The following FAM120A variants were observed in gnomAD, a reference collection of about 807,000 sequenced individuals.
FAM120A encodes family with sequence similarity 120 member A.
In FAM120A, 15 loss-of-function variants were observed where a neutral mutation model predicts 109.7. That is an observed-to-expected ratio of 0.14 (90% confidence interval 0.09 to 0.21). The LOEUF (loss-of-function observed/expected upper bound fraction) is 0.21, where lower values mean the gene tolerates loss of function less well. Ranked by LOEUF, FAM120A falls within the 10% of genes least tolerant of loss-of-function variation. The pLI, the probability that FAM120A is intolerant of heterozygous loss-of-function variation, is 1.00. For missense variants in FAM120A, 899 were observed against 1,439.3 expected, an observed-to-expected ratio of 0.62 and a Z score of 6.07; for synonymous variants, 493 against 572.8, an observed-to-expected ratio of 0.86 and a Z score of 1.99.
chr9:93,467,844 A>G (rs771064349), intron 1 of FAM120A, among the ~76,000 whole-genome samples: 1 of 151,910 alleles, frequency 6.6e-6, no homozygotes, highest in Non-Finnish European at 1.5e-5. Context: ...TAATTATGAA[A>G]AGCCCCACAT....
intron 7 of FAM120A, chr9:93,523,478 G>T: frequency 1.1e-5 from 4 of 362,924 alleles, no homozygotes; most frequent in South Asian, 4.9e-5. Context: ...TTTGACACAT[G>T]GTACCATTTC....
chr9:93,483,382 G>GT (rs927875788), intron 3 of FAM120A, among the ~76,000 whole-genome samples: 32 of 147,572 alleles, frequency 2.2e-4, no homozygotes, highest in East Asian at 9.8e-4. Flanking sequence ...CTGTTTGTTT[G>GT]TTTTTTTTTT....
At chr9:93,522,568 T>C (rs13285064) in intron 7 of FAM120A, among the ~76,000 whole-genome samples, 41,195 of 152,124 alleles carry the variant, frequency 0.27, 6,872 homozygotes, top group East Asian at 0.42. Flanking sequence ...CTTTATTGCT[T>C]TAATATTTTT....
intron 10 of FAM120A, among the ~76,000 whole-genome samples, chr9:93,542,861 C>A (rs1861755128): frequency 6.6e-6 from 1 of 152,218 alleles, no homozygotes; most frequent in Non-Finnish European, 1.5e-5. Context: ...TAACCACATA[C>A]TTCCGTGAAT....
intron 11 of FAM120A, among the ~76,000 whole-genome samples, chr9:93,547,917 T>C (rs1270863383): frequency 6.6e-6 from 1 of 152,096 alleles, no homozygotes; most frequent in East Asian, 1.9e-4. Context: ...TCAGAGGACC[T>C]ATGATGAGAA....
At position 93,452,247 on chromosome 9, in the gene FAM120A, G is replaced by A. The variant is rs1857271526; in HGVS notation, c.332G>A (p.Arg111Gln). The A allele has an allele frequency of 6.2e-7, 1 of 1,610,956 alleles. No individual in the cohort carries two copies. Among genetic ancestry groups the A allele is most frequent in the African/African-American group, 1.3e-5 (1 of 74,884 alleles). The change falls in exon 1 of 18, where the codon CGG becomes CAG. Residue 111 changes from arginine to glutamine, a missense_variant. Physicochemically the swap from Arg to Gln is conservative, Grantham distance 43. Coordinates refer to ENST00000277165, the MANE Select transcript of FAM120A (RefSeq NM_014612.5). This position sits in a 1 kb window ranked among gnomAD's most constrained non-coding sequence, Gnocchi z 7.0. Reference protein sequence around the residue: ...EKARLHEWVKRQGNERQTAQQ... With the variant: ...EKARLHEWVKQQGNERQTAQQ... ...GCCCGGCTGCACGAGTGGGTCAAGC[G>A]GCAGGGCAACGAGCGCCAGACGGCA... is the stretch of plus-strand genomic sequence containing the variant.
chr9:93,478,279 G>GT (rs1051164882), intron 3 of FAM120A, among the ~76,000 whole-genome samples: 4,543 of 142,070 alleles, frequency 0.032, 174 homozygotes, highest in African/African-American at 0.094. Context: ...TCATTTATAG[G>GT]TTTTTTTTTT....
At position 93,564,364 on chromosome 9, in the gene FAM120A, G is replaced by C. The variant is rs772209066; in HGVS notation, c.3181G>C (p.Ala1061Pro). 21 of 1,612,914 alleles carry C rather than the reference G, an allele frequency of 1.3e-5. No homozygotes were observed. Among genetic ancestry groups the C allele is most frequent in the Non-Finnish European group, 1.8e-5 (21 of 1,180,026 alleles). ...ENGVMAEEKP[A>P]PQMNGSTGDA... ...CGGAGTGATGGCCGAGGAGAAGCCG[G>C]CTCCCCAGATGAACGGGAGCACGGG... The change falls in exon 18 of 18, where the codon GCT (alanine) becomes CCT (proline). Residue 1061 changes from alanine to proline, a missense_variant. Transcript: ENST00000277165.
intron 7 of FAM120A, among the ~76,000 whole-genome samples, chr9:93,522,939 G>A (rs1371524937): frequency 6.6e-6 from 1 of 152,194 alleles, no homozygotes; most frequent in African/African-American, 2.4e-5. Flanking sequence ...CTAGCTGTTG[G>A]CAGGAACCGG....
intron 3 of FAM120A, among the ~76,000 whole-genome samples, chr9:93,481,303 G>T (rs1241324991): frequency 6.6e-6 from 1 of 152,192 alleles, no homozygotes; most frequent in Non-Finnish European, 1.5e-5. Context: ...TTTATTTTGG[G>T]TGGGCATTTT....
chr9:93,551,004 A>G (rs1465751604), intron 12 of FAM120A, among the ~76,000 whole-genome samples: 1 of 152,126 alleles, frequency 6.6e-6, no homozygotes, highest in Non-Finnish European at 1.5e-5. Flanking sequence ...TGCCTTTTAT[A>G]TTTTAGGGGG....
At position 93,498,769 on chromosome 9, in the gene FAM120A, G is replaced by T; in HGVS notation, c.934-21G>T. On this transcript the variant is annotated intron_variant, in intron 4 of 17. Coordinates refer to ENST00000277165, the MANE Select transcript of FAM120A (RefSeq NM_014612.5). This position sits in a 1 kb window ranked among gnomAD's most constrained non-coding sequence, Gnocchi z 4.4. ...ACCAGTGGCACACTAATTTATGAAG[G>T]TTTTCCTGCCTTTATTTCAGTCTAG... 1 of 1,466,632 alleles carries T rather than the reference G, an allele frequency of 6.8e-7. No individual in the cohort carries two copies. The highest frequency in any genetic ancestry group is 1.4e-5 in the African/African-American group (1 of 72,252). The allele number at this position is 1,466,632 out of a possible 1,614,324, so 90.9% of individuals were successfully genotyped here. A position where few individuals can be genotyped will look rare whatever the true frequency, so the allele number is the denominator to read the frequency against.
chr9:93,559,920 T>G (rs1020083609), intron 15 of FAM120A, among the ~76,000 whole-genome samples: 10 of 152,346 alleles, frequency 6.6e-5, no homozygotes, highest in African/African-American at 2.4e-4. Flanking sequence ...TGTTGAGCAC[T>G]TAAGCTCTGG....
At chr9:93,564,071 A>G (rs892491818) in intron 17 of FAM120A, among the ~76,000 whole-genome samples, 158 bp from the exon 18 acceptor site, 1 of 145,848 alleles carries the variant, frequency 6.9e-6, no homozygotes, top group African/African-American at 2.8e-5. Context: ...TAGAGCATCT[A>G]CCGCCCAAAA....
intron 5 of FAM120A, among the ~76,000 whole-genome samples, chr9:93,503,399 C>G (rs549186574): frequency 3.9e-5 from 6 of 152,136 alleles, no homozygotes; most frequent in Non-Finnish European, 8.8e-5. Context: ...ATAATCAACA[C>G]TAAAAAGCAA....
intron 7 of FAM120A, among the ~76,000 whole-genome samples, chr9:93,526,494 C>T (rs534241276): frequency 3.3e-5 from 5 of 151,904 alleles, no homozygotes; most frequent in Non-Finnish European, 5.9e-5. Context: ...ATCTTCTCAT[C>T]TCTTTTTCCT....
intron 7 of FAM120A, among the ~76,000 whole-genome samples, chr9:93,525,646 A>G (rs1259828358): frequency 1.3e-5 from 2 of 152,242 alleles, no homozygotes; most frequent in African/African-American, 4.8e-5. Flanking sequence ...CTATCAGCAC[A>G]TGCTCATCCA....
At chr9:93,530,743 G>A (rs1861294688) in intron 9 of FAM120A, 1 of 152,192 alleles carries the variant, frequency 6.6e-6, no homozygotes, top group Non-Finnish European at 1.5e-5. Flanking sequence ...TAAGTGAAAA[G>A]TAATTGTTGT....
At chr9:93,544,074 G>A (rs762347972) in intron 11 of FAM120A, among the ~76,000 whole-genome samples, 8 of 152,178 alleles carry the variant, frequency 5.3e-5, no homozygotes, top group East Asian at 1.9e-4. Context: ...GGCACATGCC[G>A]TATTTGTATC....
Sources: allele counts gnomAD v4.1 joint callset (sites outside exome capture counted in the v4.1 genomes callset), GRCh38; gene constraint gnomAD v4.1.1; non-coding constraint Gnocchi (gnomAD v3.1); transcripts MANE v1.5; gene names NCBI Gene and HGNC (gene_info 2026-07-23, HGNC 2026-07-21).